The following KIF13A variants were observed in gnomAD, a reference collection of about 807,000 sequenced individuals.
KIF13A encodes kinesin-like protein KIF13A.
Under a neutral mutation model 212.2 loss-of-function variants are expected in KIF13A, and 79 were observed. The ratio of observed to expected loss-of-function variants is 0.37; its 90% CI spans 0.31 to 0.45. The LOEUF (loss-of-function observed/expected upper bound fraction) is 0.45. Among genes scored for constraint, KIF13A ranks in the 20% least tolerant of loss-of-function variants. KIF13A has a pLI of 1.00. For synonymous variants in KIF13A, 789 were observed against 808.6 expected, an observed-to-expected ratio of 0.98 and a Z score of 0.41; for missense variants, 1,901 against 2,209.0, an observed-to-expected ratio of 0.86 and a Z score of 2.79.
Position 17,781,312 on chromosome 6 carries a change from C to CA in KIF13A, c.3545-12dup, listed in dbSNP as rs1484757448. 6.4e-7 allele frequency: 1 copy of CA among 1,557,896 alleles called. No homozygotes were observed. Among genetic ancestry groups the CA allele is most frequent in the African/African-American group, 1.4e-5 (1 of 72,240 alleles). ...CACTGAGGTCATCCGCTAACCACAT[C>CA]AGGAGCACAGAAAAAACAGTAGGGG... On this transcript the variant is annotated splice_polypyrimidine_tract_variant and intron_variant, in intron 29 of 38. Transcript: ENST00000259711.
rs748649406 is a variant in KIF13A, at chr6:17,779,691, G to GA, written c.3847-8dup. On this transcript the variant is annotated splice_region_variant and splice_polypyrimidine_tract_variant and intron_variant, in intron 31 of 38. Coordinates refer to ENST00000259711, the MANE Select transcript of KIF13A (RefSeq NM_022113.6). Reference sequence around the variant, plus strand: ...TCAAACTCTGCGTGAAACTCTAGTAGAAAAAAAAAAAAGCTGTATTAAGCT... The same window carrying GA: ...TCAAACTCTGCGTGAAACTCTAGTAGAAAAAAAAAAAAAGCTGTATTAAGCT... The GA allele has an allele frequency of 0.066, 47,384 of 721,448 alleles. 36 individuals are homozygous for GA. The highest frequency in any genetic ancestry group is 0.08 in the East Asian group (2,014 of 25,232). 44.7% of individuals were successfully genotyped at this position (721,448 alleles called of 1,614,324 possible).
At chr6:17,954,194 C>T (rs532594026) in intron 2 of KIF13A, among the ~76,000 whole-genome samples, 3 of 150,996 alleles carry the variant, frequency 2.0e-5, no homozygotes, top group South Asian at 4.2e-4. Context: ...CCAGCTACTC[C>T]GAAGGCTGAG....
chr6:17,765,014 A>T, intron 38 of KIF13A, 68 bp from the exon 39 acceptor site: 1 of 1,231,246 alleles, frequency 8.1e-7, no homozygotes, highest in Non-Finnish European at 1.1e-6. Flanking sequence ...ACAAGTTTTA[A>T]ATACTTGGCT....
intron 2 of KIF13A, among the ~76,000 whole-genome samples, chr6:17,927,489 T>C (rs537628041): frequency 4.4e-4 from 67 of 152,230 alleles, no homozygotes; most frequent in African/African-American, 1.5e-3. Flanking sequence ...AGAAGAGCAG[T>C]TCCCAGGGGC....
intron 4 of KIF13A, among the ~76,000 whole-genome samples, chr6:17,860,720 T>C (rs113872893): frequency 1.3e-5 from 2 of 150,464 alleles, no homozygotes; most frequent in Non-Finnish European, 3.0e-5. Flanking sequence ...AGTGAGACTC[T>C]GTCTCAAAAA....
chr6:17,981,395 A>ATAATTAC (rs1186859948), intron 2 of KIF13A, among the ~76,000 whole-genome samples: 1 of 151,244 alleles, frequency 6.6e-6, no homozygotes, highest in Non-Finnish European at 1.5e-5. Flanking sequence ...ACAATGCATT[A>ATAATTAC]TAATTACTTT....
At chr6:17,796,556 T>A (rs1038422664) in intron 23 of KIF13A, 113 bp downstream of exon 23, 16 of 722,066 alleles carry the variant, frequency 2.2e-5, no homozygotes, top group Admixed American at 3.2e-5. Flanking sequence ...TTTTTTTTTT[T>A]TTTAAATGAT....
At chr6:17,818,252 A>G (rs1250145413) in intron 16 of KIF13A, among the ~76,000 whole-genome samples, 2 of 152,216 alleles carry the variant, frequency 1.3e-5, no homozygotes, top group Non-Finnish European at 2.9e-5. Context: ...CCTGCTATTC[A>G]GTGCCATTTA....
intron 4 of KIF13A, among the ~76,000 whole-genome samples, chr6:17,869,481 C>T (rs1769797627): frequency 6.6e-6 from 1 of 152,098 alleles, no homozygotes; most frequent in Non-Finnish European, 1.5e-5. Flanking sequence ...CTATTAGTAT[C>T]CTTATTTACC....
chr6:17,870,324 A>G (rs1352793464), intron 4 of KIF13A, among the ~76,000 whole-genome samples: 1 of 152,216 alleles, frequency 6.6e-6, no homozygotes, highest in Non-Finnish European at 1.5e-5. Context: ...ATTTTAGGCT[A>G]TCAGTATGTT....
intron 9 of KIF13A, among the ~76,000 whole-genome samples, chr6:17,845,252 A>C (rs149098832): frequency 6.6e-6 from 1 of 152,314 alleles, no homozygotes; most frequent in East Asian, 1.9e-4. Context: ...TCCCTCCCAC[A>C]ACACGTGGTA....
Position 17,871,120 on chromosome 6 carries a change from T to C in KIF13A, c.220+2257A>G, listed in dbSNP as rs1769964757. 6.6e-6 allele frequency among the ~76,000 whole-genome samples: 1 copy of C among 152,230 alleles called. No homozygotes were observed. Among genetic ancestry groups the C allele is most frequent in the South Asian group, 2.1e-4 (1 of 4,838 alleles). On this transcript the variant is annotated intron_variant, in intron 4 of 38. Coordinates refer to ENST00000259711, the MANE Select transcript of KIF13A (RefSeq NM_022113.6). This position sits in a 1 kb window ranked among gnomAD's most constrained non-coding sequence, Gnocchi z 4.4. Reference sequence around the variant, plus strand: ...GATGCCTTCTAGGCTTCCCTTTGACTAAACTCTAAACAACTCATATGTTGA... The same window carrying C: ...GATGCCTTCTAGGCTTCCCTTTGACCAAACTCTAAACAACTCATATGTTGA...
At chr6:17,976,854 C>G (rs1780574066) in intron 2 of KIF13A, among the ~76,000 whole-genome samples, 1 of 150,128 alleles carries the variant, frequency 6.7e-6, no homozygotes, top group Non-Finnish European at 1.5e-5. Flanking sequence ...GTAATCCCAG[C>G]ACTTTGGGAG....
intron 9 of KIF13A, among the ~76,000 whole-genome samples, chr6:17,840,632 C>A (rs1766419048): frequency 6.6e-6 from 1 of 151,736 alleles, no homozygotes; most frequent in Admixed American, 6.6e-5. Context: ...TACTTTGTGG[C>A]AACTACTTAT....
At chr6:17,770,855 A>G (rs1759433707) in intron 38 of KIF13A, 1 of 644,820 alleles carries the variant, frequency 1.6e-6, no homozygotes, top group Non-Finnish European at 2.2e-6. Context: ...TACACTTTTT[A>G]TAAAGGCCAG....
chr6:17,855,158 C>T lies in KIF13A; in HGVS notation c.494+279G>A, dbSNP rs1768025289. ...AAATGGAAGAACTAATGTGTTATTC[C>T]TAACTCAATTTTTGTGAATAGTTCA... is the stretch of plus-strand genomic sequence containing the variant. On this transcript the variant is annotated intron_variant, in intron 6 of 38. Coordinates refer to ENST00000259711, the MANE Select transcript of KIF13A (RefSeq NM_022113.6). This position sits in a 1 kb window ranked among gnomAD's most constrained non-coding sequence, Gnocchi z 4.1. Among the ~76,000 whole-genome samples, 1 of 152,030 alleles carries T rather than the reference C, an allele frequency of 6.6e-6. No individual in the cohort carries two copies. Among genetic ancestry groups the T allele is most frequent in the South Asian group, 2.1e-4 (1 of 4,830 alleles).
chr6:17,842,897 C>T (rs1010940684), intron 9 of KIF13A, among the ~76,000 whole-genome samples: 68 of 151,772 alleles, frequency 4.5e-4, no homozygotes, highest in African/African-American at 1.5e-3. Flanking sequence ...CTAACCTGCA[C>T]CGTTTCCCCT....
chr6:17,837,043 G>C lies in KIF13A; in HGVS notation c.990C>G (p.Ser330Arg). Residue 330 changes from serine to arginine, a missense_variant, in exon 11 of 39, where the codon AGC becomes AGG. Physicochemically the swap from Ser to Arg is moderately radical, Grantham distance 110. This residue lies in a region of KIF13A where 506 missense variants were observed against 637.4 expected (regional missense o/e 0.79). Transcript: ENST00000259711. This position sits in a 1 kb window ranked among gnomAD's most constrained non-coding sequence, Gnocchi z 5.4. ...TCTCTTCATAGTTGTCTGCGGCTGG[G>C]CTGATTGTGGCTATCATAGAGGTTT... The part of the protein sequence containing the change: ...NSQTSMIATI[S>R]PAADNYEETL... 1 of 1,613,954 alleles carries C rather than the reference G, an allele frequency of 6.2e-7. No homozygotes were observed. The highest frequency in any genetic ancestry group is 8.5e-7 in the Non-Finnish European group (1 of 1,179,884).
At chr6:17,932,345 A>C (rs1776054393) in intron 2 of KIF13A, among the ~76,000 whole-genome samples, 1 of 152,240 alleles carries the variant, frequency 6.6e-6, no homozygotes, top group African/African-American at 2.4e-5. Flanking sequence ...AATGCTTCAT[A>C]GAACTAATGC....
Sources: gnomAD v4.1 joint callset for allele counts (sites outside exome capture counted in the v4.1 genomes callset) on GRCh38, gnomAD v4.1.1 for gene constraint, gnomAD v4.1.1 regional missense constraint, Gnocchi (gnomAD v3.1) non-coding constraint, MANE v1.5 for transcripts, NCBI Gene and HGNC (gene_info 2026-07-23, HGNC 2026-07-21) for gene names.